The following HEPACAM2 variants were observed in gnomAD, a reference collection of about 807,000 sequenced individuals.
HEPACAM2 encodes mitotic kinetics regulator.
In HEPACAM2, 49 loss-of-function variants were observed where a neutral mutation model predicts 49.6. The observed-to-expected ratio is 0.99, with a 90% confidence interval of 0.78 to 1.25. The LOEUF (loss-of-function observed/expected upper bound fraction) is 1.25. Ranked by LOEUF, HEPACAM2 falls within the 50% of genes most tolerant of loss-of-function variation. The probability of loss-of-function intolerance (pLI) is 0.00; values close to 1 mark genes in which losing one functional copy is unlikely to be tolerated. For synonymous variants in HEPACAM2, 197 were observed against 202.9 expected (o/e 0.97, Z 0.25); for missense variants, 525 against 557.2 (o/e 0.94, Z 0.58).
chr7:93,216,353 T>C (rs548109311), intron 2 of HEPACAM2, among the ~76,000 whole-genome samples: 24 of 152,300 alleles, frequency 1.6e-4, no homozygotes, highest in African/African-American at 5.8e-4. Flanking sequence ...TAAAATATAT[T>C]CTTGGGCTTT....
At chr7:93,213,029 T>G (rs1794215550) in intron 3 of HEPACAM2, among the ~76,000 whole-genome samples, 1 of 152,048 alleles carries the variant, frequency 6.6e-6, no homozygotes, top group Admixed American at 6.6e-5. Flanking sequence ...TCTGTTCTCT[T>G]TAACAATTTA....
intron 7 of HEPACAM2, among the ~76,000 whole-genome samples, chr7:93,196,789 CA>C (rs779558902): frequency 3.1e-4 from 47 of 152,254 alleles, no homozygotes; most frequent in Non-Finnish European, 5.6e-4. Flanking sequence ...ACAGTGGGGA[CA>C]AAGAAGCAAT....
rs193066899 is a variant in HEPACAM2 at position 93,222,481 on chromosome 7, G to T, written c.80-3030C>A. On this transcript the variant is annotated intron_variant, in intron 1 of 9. Coordinates refer to ENST00000394468, the MANE Select transcript of HEPACAM2 (RefSeq NM_001039372.4). ...TCTTGGACTCCCATGTTCTATGTCC[G>T]CCATTGAGTCTTAAATTTATCACTT... is the stretch of plus-strand genomic sequence containing the variant. Among the ~76,000 whole-genome samples, 339 of 151,894 alleles carry T rather than the reference G, an allele frequency of 2.2e-3. 5 individuals carry two copies. The highest frequency in any genetic ancestry group is 0.019 in the Admixed American group (295 of 15,260).
chr7:93,206,868 A>C (rs956782587), intron 4 of HEPACAM2, among the ~76,000 whole-genome samples: 2 of 152,062 alleles, frequency 1.3e-5, no homozygotes, highest in African/African-American at 4.8e-5. Context: ...ACATTTATCA[A>C]CCTGTAGGTT....
chr7:93,196,397 T>A (rs1018012394), intron 7 of HEPACAM2, among the ~76,000 whole-genome samples: 1 of 152,130 alleles, frequency 6.6e-6, no homozygotes, highest in African/African-American at 2.4e-5. Context: ...CCACATAAAC[T>A]ATCATCTATA....
At chr7:93,207,995 T>A (rs1052611963) in intron 4 of HEPACAM2, among the ~76,000 whole-genome samples, 1 of 152,038 alleles carries the variant, frequency 6.6e-6, no homozygotes, top group African/African-American at 2.4e-5. Context: ...TAATTCTTAA[T>A]CTTTGCGGGT....
upstream of HEPACAM2, among the ~76,000 whole-genome samples, chr7:93,229,553 T>C (rs1442853886): frequency 6.6e-6 from 1 of 152,188 alleles, no homozygotes; most frequent in Non-Finnish European, 1.5e-5. Context: ...TTTGGGCCAT[T>C]AGTAATATGC....
At chr7:93,219,687 C>T in intron 1 of HEPACAM2, 1 of 596,306 alleles carries the variant, frequency 1.7e-6, no homozygotes, top group East Asian at 3.0e-5. Context: ...AAAGGAAAAG[C>T]AGAAGTTATT....
intron 2 of HEPACAM2, among the ~76,000 whole-genome samples, chr7:93,218,814 G>A (rs1427978435): frequency 6.6e-6 from 1 of 152,034 alleles, no homozygotes; most frequent in East Asian, 1.9e-4. Context: ...CATCAAATTA[G>A]CAACATTATA....
At position 93,218,557 on chromosome 7, in the gene HEPACAM2, T is replaced by C. The variant is rs570664430; in HGVS notation, c.430+544A>G. ...AGGTGTAGAGATCAAAAATCAGAAGTTGGGCTTGGACATAGTATATTTTAC... is the reference window on the plus strand; with the variant it reads ...AGGTGTAGAGATCAAAAATCAGAAGCTGGGCTTGGACATAGTATATTTTAC... On this transcript the variant is annotated intron_variant, in intron 2 of 9. Transcript: ENST00000394468. Among the ~76,000 whole-genome samples, 6 of 151,126 alleles carry C rather than the reference T, an allele frequency of 4.0e-5. No homozygotes were observed. In the South Asian group the frequency reaches 1.1e-3, roughly 26 times the overall value.
At position 93,195,816 on chromosome 7, in the gene HEPACAM2, A is replaced by C. The variant is rs184018791; in HGVS notation, c.1275+12T>G. ...TCTACTTCTCGGTTAATCAGCCACT[A>C]GGAAAACCAACCCTGGAAACACCAG... On this transcript the variant is annotated intron_variant, in intron 8 of 9. Transcript: ENST00000394468. The C allele has an allele frequency of 6.2e-7, 1 of 1,607,802 alleles. No homozygotes were observed. Among genetic ancestry groups the C allele is most frequent in the East Asian group, 2.2e-5 (1 of 44,780 alleles).
At chr7:93,207,462 G>A (rs1488093840) in intron 4 of HEPACAM2, among the ~76,000 whole-genome samples, 1 of 151,716 alleles carries the variant, frequency 6.6e-6, no homozygotes, top group African/African-American at 2.4e-5. Flanking sequence ...AGAGGAGTAG[G>A]GAGGGAAAGG....
chr7:93,199,567 TGAG>T (rs1418753505), intron 4 of HEPACAM2, among the ~76,000 whole-genome samples: 2 of 152,052 alleles, frequency 1.3e-5, no homozygotes, highest in African/African-American at 4.8e-5. Context: ...ATTAGTATAA[TGAG>T]GAGGCAAGAG....
intron 3 of HEPACAM2, among the ~76,000 whole-genome samples, chr7:93,214,141 A>G (rs1435160769): frequency 6.6e-6 from 1 of 152,148 alleles, no homozygotes; most frequent in African/African-American, 2.4e-5. Flanking sequence ...GTTATATGGT[A>G]GGTAGTAATT....
Position 93,197,612 on chromosome 7 carries a change from TA to T in HEPACAM2, c.1013-3del. On this transcript the variant is annotated splice_region_variant and splice_polypyrimidine_tract_variant and intron_variant, in intron 4 of 9. Coordinates refer to ENST00000394468, the MANE Select transcript of HEPACAM2 (RefSeq NM_001039372.4). ...CTTTCTGTGCAAGCTTCTCCAGTCC[TA>T]AATAAAAAGATAAACATATTTTTAG... is the stretch of plus-strand genomic sequence containing the variant. 5.1e-6 allele frequency: 8 copies of T among 1,562,772 alleles called. No individual in the cohort carries two copies. Among genetic ancestry groups the T allele is most frequent in the Non-Finnish European group, 6.9e-6 (8 of 1,158,664 alleles).
At chr7:93,189,355 C>T in intron 9 of HEPACAM2, 85 bp from the exon 10 acceptor site, 1 of 835,126 alleles carries the variant, frequency 1.2e-6, no homozygotes, top group East Asian at 2.7e-5. Context: ...TCTTTTATTG[C>T]TTTCCAGGGC....
chr7:93,231,955 T>A, the HEPACAM2 span, among the ~76,000 whole-genome samples: 4 of 152,132 alleles, frequency 2.6e-5, no homozygotes, highest in Non-Finnish European at 5.9e-5. Context: ...AGCCCTTTCT[T>A]GAGTTCCTTC....
chr7:93,192,241 G>A lies in HEPACAM2; in HGVS notation c.1385+13C>T, dbSNP rs777359961. 1 of 1,582,050 alleles carries A rather than the reference G, an allele frequency of 6.3e-7. No homozygotes were observed. Among genetic ancestry groups the A allele is most frequent in the Non-Finnish European group, 8.7e-7 (1 of 1,151,574 alleles). On this transcript the variant is annotated intron_variant, in intron 9 of 9. Transcript: ENST00000394468. The stretch of plus-strand genomic sequence containing the variant: ...CCTCTCCATAGCACCATCAAATGCA[G>A]ATTCGTACTTACTCTGGATGGTCTT...
In HEPACAM2 at chr7:93,189,015, G is replaced by T; in HGVS notation, c.*252C>A. The T allele has an allele frequency of 2.1e-6, 1 of 471,590 alleles. No individual in the cohort carries two copies. The allele number at this position is 471,590 out of a possible 1,614,324, so 29.2% of individuals were successfully genotyped here. ...CCTGTCACTTTCGTTCTCCCCGTCA[G>T]CATGAGAACGACTCTCCACTGAGGA... is the stretch of plus-strand genomic sequence containing the variant. On this transcript the variant is annotated 3_prime_UTR_variant, in exon 10 of 10. Transcript: ENST00000394468.
Sources: allele counts gnomAD v4.1 joint callset (sites outside exome capture counted in the v4.1 genomes callset), GRCh38; gene constraint gnomAD v4.1.1; transcripts MANE v1.5; gene names NCBI Gene and HGNC (gene_info 2026-07-23, HGNC 2026-07-21).